ATF7: variants seen among roughly 807,000 people sequenced by gnomAD.
ATF7 encodes activating transcription factor 7, also known as cyclic AMP-dependent transcription factor ATF-7.
Under a neutral mutation model 50.4 loss-of-function variants are expected in ATF7, and 10 were observed. That is an observed-to-expected ratio of 0.20 (90% confidence interval 0.12 to 0.34). The LOEUF is 0.34. Ranked by LOEUF, ATF7 falls within the 10% of genes least tolerant of loss-of-function variation. The probability of loss-of-function intolerance (pLI) is 1.00; values close to 1 mark genes in which losing one functional copy is unlikely to be tolerated. For synonymous variants in ATF7, 201 were observed against 226.4 expected (o/e 0.89, Z 1.01); for missense variants, 465 against 613.9 (o/e 0.76, Z 2.56).
intron 9 of ATF7, among the ~76,000 whole-genome samples, chr12:53,527,800 C>G (rs377717836): frequency 4.6e-5 from 7 of 151,840 alleles, no homozygotes; most frequent in African/African-American, 1.7e-4. Context: ...GTACTCTACT[C>G]TAGGCCCTAC....
At chr12:53,542,107 G>GTT (rs1199418506) in intron 4 of ATF7, among the ~76,000 whole-genome samples, 22 of 101,448 alleles carry the variant, frequency 2.2e-4, no homozygotes, top group Admixed American at 1.2e-3. Flanking sequence ...CGCCTGGCCT[G>GTT]TTTTTTTTTT....
At chr12:53,535,718 T>C (rs1939180620) in intron 5 of ATF7, among the ~76,000 whole-genome samples, 1 of 152,188 alleles carries the variant, frequency 6.6e-6, no homozygotes, top group Admixed American at 6.5e-5. Context: ...TTCTAGTAGA[T>C]ACTTCCTTTA....
intron 11 of ATF7, among the ~76,000 whole-genome samples, chr12:53,517,801 G>T (rs1937809381): frequency 1.3e-5 from 2 of 151,458 alleles, no homozygotes; most frequent in South Asian, 4.2e-4. Context: ...ATTTAAAATA[G>T]ATCTCTTTTT....
At chr12:53,620,933 G>A (rs1264181489) in intron 1 of ATF7, among the ~76,000 whole-genome samples, 1 of 152,162 alleles carries the variant, frequency 6.6e-6, no homozygotes, top group Non-Finnish European at 1.5e-5. Flanking sequence ...GGCAAGGGAG[G>A]TCGAGTACAG....
intron 9 of ATF7, among the ~76,000 whole-genome samples, chr12:53,530,887 G>C (rs1361085402): frequency 1.3e-5 from 2 of 152,118 alleles, no homozygotes; most frequent in African/African-American, 4.8e-5. Context: ...GGGATTACAG[G>C]CGTGAGCCAC....
At chr12:53,550,357 AATAAATAAATAATAAAT>A (rs1940277668) in intron 3 of ATF7, among the ~76,000 whole-genome samples, 1 of 148,020 alleles carries the variant, frequency 6.8e-6, no homozygotes, top group African/African-American at 2.4e-5. Flanking sequence ...TAAATAAATA[AATAAATAAATAATAAAT>A]ATAAATAAAT....
At chr12:53,540,456 G>C (rs984472931) in intron 4 of ATF7, among the ~76,000 whole-genome samples, 1 of 152,078 alleles carries the variant, frequency 6.6e-6, no homozygotes, top group African/African-American at 2.4e-5. Context: ...AGGCGCGGTG[G>C]CTCACGCCTA....
At chr12:53,603,366 A>T (rs559238280) in intron 1 of ATF7, among the ~76,000 whole-genome samples, 38 of 152,326 alleles carry the variant, frequency 2.5e-4, no homozygotes, top group African/African-American at 9.1e-4. Context: ...AGAGATGAAA[A>T]ATCATGACTT....
At chr12:53,608,030 C>T (rs1002812325) in intron 1 of ATF7, among the ~76,000 whole-genome samples, 21 of 151,820 alleles carry the variant, frequency 1.4e-4, no homozygotes, top group African/African-American at 5.1e-4. Flanking sequence ...CCATCCTGGC[C>T]AACACGGTGA....
chr12:53,552,562 T>C lies in ATF7; in HGVS notation c.124A>G (p.Thr42Ala). The C allele has an allele frequency of 6.2e-7, 1 of 1,613,910 alleles. No homozygotes were observed. Among genetic ancestry groups the C allele is most frequent in the Non-Finnish European group, 8.5e-7 (1 of 1,179,818 alleles). Reference sequence around the variant, plus strand: ...ATACCTGCAATGATGACTGAGTCAGTTCGGGCTGGGCCAAATTTCAATGTC... The same window carrying C: ...ATACCTGCAATGATGACTGAGTCAGCTCGGGCTGGGCCAAATTTCAATGTC... Reference protein sequence around the residue: ...EMTLKFGPARTDSVIIADQTP... With the variant: ...EMTLKFGPARADSVIIADQTP... Residue 42 changes from threonine (T) to alanine (A), a missense_variant, in exon 3 of 12, where the codon ACT (threonine) becomes GCT (alanine). By Grantham distance (58) the Thr-to-Ala change is moderately conservative (BLOSUM62 0). Coordinates refer to ENST00000420353, the MANE Select transcript of ATF7 (RefSeq NM_006856.3).
intron 1 of ATF7, among the ~76,000 whole-genome samples, chr12:53,619,316 C>A (rs1164263739): frequency 6.6e-6 from 1 of 151,424 alleles, no homozygotes; most frequent in Non-Finnish European, 1.5e-5. Flanking sequence ...GGTGAAACCA[C>A]GTCTCTACTA....
chr12:53,596,471 C>A (rs1943162314), intron 2 of ATF7, among the ~76,000 whole-genome samples: 1 of 152,150 alleles, frequency 6.6e-6, no homozygotes, highest in Non-Finnish European at 1.5e-5. Flanking sequence ...ATATGACCAG[C>A]TTCTGTTCAA....
At chr12:53,544,906 CA>C (rs34501232) in intron 3 of ATF7, among the ~76,000 whole-genome samples, 83,438 of 151,996 alleles carry the variant, frequency 0.55, 23,686 homozygotes, top group East Asian at 0.96. Flanking sequence ...CACTACTTCT[CA>C]AAAATAGTTT....
intron 2 of ATF7, among the ~76,000 whole-genome samples, chr12:53,582,162 CAA>C: frequency 6.6e-6 from 1 of 151,358 alleles, no homozygotes; most frequent in East Asian, 1.9e-4. Flanking sequence ...CTACTAAATA[CAA>C]AAAGAAATAA....
At chr12:53,569,615 A>G (rs769128029) in intron 2 of ATF7, among the ~76,000 whole-genome samples, 6 of 152,192 alleles carry the variant, frequency 3.9e-5, no homozygotes, top group Admixed American at 6.5e-5. Flanking sequence ...CATGTCTTAT[A>G]CATCTCTCTG....
chr12:53,561,282 C>T (rs7302835), intron 2 of ATF7, among the ~76,000 whole-genome samples: 19,275 of 144,644 alleles, frequency 0.13, 1,335 homozygotes, highest in African/African-American at 0.16. Context: ...TCACAGAAGA[C>T]AGCACCACTG....
chr12:53,617,069 C>T (rs1429204353), intron 1 of ATF7, among the ~76,000 whole-genome samples: 1 of 152,108 alleles, frequency 6.6e-6, no homozygotes, highest in African/African-American at 2.4e-5. Context: ...GTTGCCCAGG[C>T]TGGAGTGCAG....
intron 3 of ATF7, among the ~76,000 whole-genome samples, chr12:53,546,757 CTTTTT>C (rs979025251): frequency 6.9e-6 from 1 of 144,228 alleles, no homozygotes; most frequent in African/African-American, 2.5e-5. Flanking sequence ...GCCTCTTTTT[CTTTTT>C]TTTTTCTTTT....
chr12:53,566,748 T>C (rs1941465440), intron 2 of ATF7, among the ~76,000 whole-genome samples: 1 of 152,050 alleles, frequency 6.6e-6, no homozygotes, highest in Non-Finnish European at 1.5e-5. Context: ...CAGTTTTTTT[T>C]TGTTTTTGTT....
Sources: allele counts gnomAD v4.1 joint callset (sites outside exome capture counted in the v4.1 genomes callset), GRCh38; gene constraint gnomAD v4.1.1; transcripts MANE v1.5; gene names NCBI Gene and HGNC (gene_info 2026-07-23, HGNC 2026-07-21).